The following UBE2D2 variants were observed in gnomAD, a reference collection of about 807,000 sequenced individuals.
UBE2D2 encodes the protein ubiquitin-conjugating enzyme E2 D2.
UBE2D2 carries 2 observed loss-of-function variants against 24.2 expected under a neutral mutation model. The ratio of observed to expected loss-of-function variants is 0.08; its 90% CI spans 0.03 to 0.26. The LOEUF is 0.26. Among genes scored for constraint, UBE2D2 ranks in the 10% least tolerant of loss-of-function variants. The pLI is 1.00. For missense variants in UBE2D2, 44 were observed against 177.6 expected (o/e 0.25, Z 4.28); for synonymous variants, 58 against 56.5 (o/e 1.03, Z -0.12).
intron 1 of UBE2D2, among the ~76,000 whole-genome samples, chr5:139,542,478 A>G (rs1383602954): frequency 6.6e-6 from 1 of 151,820 alleles, no homozygotes; most frequent in East Asian, 1.9e-4. Flanking sequence ...AAGCAAGCAT[A>G]TGTGGCTAAT....
intron 1 of UBE2D2, among the ~76,000 whole-genome samples, chr5:139,539,409 A>G (rs1752727621): frequency 6.6e-6 from 1 of 152,148 alleles, no homozygotes; most frequent in Non-Finnish European, 1.5e-5. Flanking sequence ...CAGAAAATAC[A>G]TTAGTAATTG....
chr5:139,621,581 TG>T (rs1314907327), intron 5 of UBE2D2, among the ~76,000 whole-genome samples: 1 of 152,192 alleles, frequency 6.6e-6, no homozygotes. Context: ...TTGGATTTTA[TG>T]GTTGTCGTTT....
rs550253454 is a variant in UBE2D2, at chr5:139,561,942, G to A, written c.24+127G>A. The A allele has an allele frequency of 7.4e-5, 96 of 1,297,752 alleles. No homozygotes were observed. The African/African-American group carries it at 1.2e-3, about 16-fold the overall frequency. 80.4% of individuals were successfully genotyped at this position (1,297,752 alleles called of 1,614,324 possible). ...GCTGCCGGTGCTGGCCCCTCGGGGC[G>A]GCCTCCATACCCCACTCCCAGTGAT... On this transcript the variant is annotated intron_variant, in intron 1 of 6. Transcript: ENST00000398733.
intron 1 of UBE2D2, among the ~76,000 whole-genome samples, chr5:139,571,646 T>A (rs1297385321): frequency 6.6e-6 from 1 of 152,150 alleles, no homozygotes; most frequent in East Asian, 1.9e-4. Flanking sequence ...TTTACTTGTT[T>A]TAGTCATAGC....
chr5:139,562,646 G>A (rs1283800719), intron 1 of UBE2D2, among the ~76,000 whole-genome samples: 1 of 152,052 alleles, frequency 6.6e-6, no homozygotes. Context: ...TATGTTTACC[G>A]AGACTCTTAA....
chr5:139,543,097 A>G (rs1752779766), intron 1 of UBE2D2, among the ~76,000 whole-genome samples: 1 of 151,952 alleles, frequency 6.6e-6, no homozygotes, highest in African/African-American at 2.4e-5. Flanking sequence ...AGGTTTCACC[A>G]TGTTGGTCAG....
upstream of UBE2D2, among the ~76,000 whole-genome samples, chr5:139,560,268 G>A (rs1753046917): frequency 6.6e-6 from 1 of 150,896 alleles, no homozygotes. Flanking sequence ...CGTGATCTCG[G>A]CTCACGGCAA....
At chr5:139,608,594 T>TAA (rs1244720988) in intron 2 of UBE2D2, among the ~76,000 whole-genome samples, 1 of 148,254 alleles carries the variant, frequency 6.7e-6, no homozygotes, top group Non-Finnish European at 1.5e-5. Flanking sequence ...GTCTCTATTT[T>TAA]AAAAAAAAAA....
intron 1 of UBE2D2, among the ~76,000 whole-genome samples, chr5:139,578,834 T>C (rs763560002): frequency 1.3e-5 from 2 of 152,192 alleles, no homozygotes; most frequent in Non-Finnish European, 2.9e-5. Flanking sequence ...CTTATTTCGT[T>C]GACTCTGAAA....
chr5:139,602,690 C>G (rs551858324), intron 2 of UBE2D2, among the ~76,000 whole-genome samples: 1 of 151,592 alleles, frequency 6.6e-6, no homozygotes, highest in Admixed American at 6.6e-5. Context: ...ACAAAAACAA[C>G]AACAACAACA....
chr5:139,549,425 GC>G (rs926887691), intron 1 of UBE2D2, among the ~76,000 whole-genome samples: 2 of 152,216 alleles, frequency 1.3e-5, no homozygotes, highest in Non-Finnish European at 2.9e-5. Context: ...GGTCTTGGCG[GC>G]CCCGCACTCC....
intron 1 of UBE2D2, among the ~76,000 whole-genome samples, chr5:139,591,198 A>G (rs921104855): frequency 6.7e-6 from 1 of 149,996 alleles, no homozygotes; most frequent in South Asian, 2.1e-4. Context: ...TCGGCTCACC[A>G]TAACCTGCAC....
chr5:139,599,632 G>A (rs1449401432), intron 1 of UBE2D2: 1 of 151,816 alleles, frequency 6.6e-6, no homozygotes. Context: ...AGCTACTCGG[G>A]AGGCTGAGGC....
chr5:139,621,468 G>A (rs775482845), intron 5 of UBE2D2, among the ~76,000 whole-genome samples: 2 of 152,218 alleles, frequency 1.3e-5, no homozygotes, highest in Non-Finnish European at 2.9e-5. Flanking sequence ...TTAGGGGCAA[G>A]TGTTTGCATT....
At chr5:139,551,817 G>T (rs1014734309) in intron 1 of UBE2D2, among the ~76,000 whole-genome samples, 4 of 152,196 alleles carry the variant, frequency 2.6e-5, no homozygotes, top group Non-Finnish European at 1.5e-5. Context: ...CAAAAAAGTT[G>T]TGACTTTTAG....
chr5:139,589,877 T>C (rs974783513), intron 1 of UBE2D2, among the ~76,000 whole-genome samples: 49 of 152,132 alleles, frequency 3.2e-4, no homozygotes, highest in Admixed American at 2.0e-3. Context: ...CTCCGCCTCC[T>C]GGGTTCACAC....
At chr5:139,552,509 C>CTTTTTTTTTTTTTT (rs35945797) in intron 1 of UBE2D2, among the ~76,000 whole-genome samples, 2 of 124,242 alleles carry the variant, frequency 1.6e-5, no homozygotes, top group Admixed American at 8.2e-5. Context: ...TTTCTTTTTT[C>CTTTTTTTTTTTTTT]TTTTTTTTTT....
At chr5:139,600,742 A>G (rs1754054360) in intron 2 of UBE2D2, among the ~76,000 whole-genome samples, 2 of 152,140 alleles carry the variant, frequency 1.3e-5, no homozygotes, top group Non-Finnish European at 2.9e-5. Context: ...AATACTAAGG[A>G]TGATAGTATG....
intron 1 of UBE2D2, among the ~76,000 whole-genome samples, chr5:139,597,910 C>CT (rs34077929): frequency 9.2e-4 from 140 of 151,510 alleles, no homozygotes; most frequent in African/African-American, 2.9e-3. Flanking sequence ...AACTTTATTT[C>CT]TTTTTTTTTG....
Sources: gnomAD v4.1 joint callset for allele counts (sites outside exome capture counted in the v4.1 genomes callset) on GRCh38, gnomAD v4.1.1 for gene constraint, MANE v1.5 for transcripts, NCBI Gene and HGNC (gene_info 2026-07-23, HGNC 2026-07-21) for gene names.